The following MIER1 variants were observed in gnomAD, a reference collection of about 807,000 sequenced individuals.
The protein encoded by MIER1 is MIER1 transcriptional regulator.
Under a neutral mutation model 75.7 loss-of-function variants are expected in MIER1, and 40 were observed. The ratio of observed to expected loss-of-function variants is 0.53; its 90% confidence interval spans 0.41 to 0.69. MIER1 has a LOEUF of 0.69. Among genes scored for constraint, MIER1 ranks in the 30% least tolerant of loss-of-function variants. The probability of loss-of-function intolerance (pLI) is 0.00; values close to 1 mark genes in which losing one functional copy is unlikely to be tolerated. For missense variants in MIER1, 574 were observed against 680.2 expected, an observed-to-expected ratio of 0.84 and a Z score of 1.74; for synonymous variants, 213 against 223.4, an observed-to-expected ratio of 0.95 and a Z score of 0.42.
intron 5 of MIER1, 69 bp downstream of exon 5, chr1:66,958,289 T>G (rs1177818737): frequency 9.6e-7 from 1 of 1,042,226 alleles, no homozygotes; most frequent in Non-Finnish European, 1.3e-6. Context: ...GCTTAATATA[T>G]TTTGATTACT....
At chr1:66,979,367 T>A (rs1665440676) in intron 12 of MIER1, among the ~76,000 whole-genome samples, 1 of 152,192 alleles carries the variant, frequency 6.6e-6, no homozygotes, top group African/African-American at 2.4e-5. Context: ...AATCCATAAT[T>A]CAGAGCACAT....
chr1:66,940,151 T>G, intron 3 of MIER1, 99 bp downstream of exon 3: 2 of 841,652 alleles, frequency 2.4e-6, no homozygotes, highest in Non-Finnish European at 3.8e-6. Context: ...CTGACTTGCT[T>G]TTCTTCTGAA....
At chr1:66,982,416 T>C (rs989246407) in intron 13 of MIER1, among the ~76,000 whole-genome samples, 5 of 152,166 alleles carry the variant, frequency 3.3e-5, no homozygotes, top group African/African-American at 9.7e-5. Context: ...TACAGAAATA[T>C]TTGTTTTTCT....
chr1:66,985,939 T>G lies in MIER1; in HGVS notation c.*1039T>G. 1 of 984,726 alleles carries G rather than the reference T, an allele frequency of 1.0e-6. No homozygotes were observed. The highest frequency in any genetic ancestry group is 1.1e-4 in the East Asian group (1 of 8,898). The allele number at this position is 984,726 out of a possible 1,614,324, so 61.0% of individuals were successfully genotyped here. On this transcript the variant is annotated 3_prime_UTR_variant, in exon 14 of 14. Transcript: ENST00000401041. Reference sequence around the variant, plus strand: ...TTGCTATAATTTTCAAAATTATTTTTGAAGCAAGACAAAAGTTTAATGTCA... The same window carrying G: ...TTGCTATAATTTTCAAAATTATTTTGGAAGCAAGACAAAAGTTTAATGTCA...
chr1:66,964,854 C>G (rs113921725), intron 8 of MIER1, among the ~76,000 whole-genome samples: 1 of 152,110 alleles, frequency 6.6e-6, no homozygotes, highest in Non-Finnish European at 1.5e-5. Context: ...ACTTAATATA[C>G]ACAAAGGCCT....
At position 66,982,005 on chromosome 1, in the gene MIER1, T is replaced by G. The variant is rs571393442; in HGVS notation, c.1369+87T>G. 3.5e-6 allele frequency: 5 copies of G among 1,415,598 alleles called. No individual in the cohort carries two copies. The African/African-American group carries it at 5.7e-5, about 16-fold the overall frequency. The allele number at this position is 1,415,598 out of a possible 1,614,324, so 87.7% of individuals were successfully genotyped here. A position where few individuals can be genotyped will look rare whatever the true frequency, so the allele number is the denominator to read the frequency against. On this transcript the variant is annotated intron_variant, in intron 13 of 13. Coordinates refer to ENST00000401041, the MANE Select transcript of MIER1 (RefSeq NM_001077700.3). The stretch of plus-strand genomic sequence containing the variant: ...TGGGAAATTCCGTTTGGGTTTCTAT[T>G]AAACTTCCAGAGCAGAAAGTAAAAA...
At chr1:66,974,097 TTA>T (rs1664214733) in intron 11 of MIER1, among the ~76,000 whole-genome samples, 1 of 152,056 alleles carries the variant, frequency 6.6e-6, no homozygotes, top group African/African-American at 2.4e-5. Context: ...CTTATTTTTA[TTA>T]TTTTTTTTTT....
chr1:66,932,166 A>G (rs568548020), intron 2 of MIER1, among the ~76,000 whole-genome samples: 20 of 152,290 alleles, frequency 1.3e-4, no homozygotes, highest in African/African-American at 4.8e-4. Context: ...TTATTGTAAG[A>G]TAAAGGAAAA....
chr1:66,984,175 T>C (rs997221412), intron 13 of MIER1, among the ~76,000 whole-genome samples: 1 of 152,274 alleles, frequency 6.6e-6, no homozygotes, highest in African/African-American at 2.4e-5. Context: ...GAAAACCTTT[T>C]GTTAAATCTG....
intron 2 of MIER1, among the ~76,000 whole-genome samples, chr1:66,938,851 AGT>A (rs1158391925): frequency 2.0e-5 from 3 of 152,204 alleles, no homozygotes; most frequent in African/African-American, 7.2e-5. Flanking sequence ...CCTTTGAAAA[AGT>A]GTGCCACAAA....
chr1:66,973,185 T>C (rs2101909268), intron 11 of MIER1, among the ~76,000 whole-genome samples, 194 bp downstream of exon 11: 1 of 152,220 alleles, frequency 6.6e-6, no homozygotes, highest in Non-Finnish European at 1.5e-5. Context: ...GTGACTGTTT[T>C]CAGTGCATCA....
rs756353596 is a variant in MIER1, at chr1:66,958,880, G to A, written c.531G>A (p.Gln177=). Residue 177 remains glutamine, a synonymous_variant, in exon 6 of 14, where the codon CAG becomes CAA. Coordinates refer to ENST00000401041, the MANE Select transcript of MIER1 (RefSeq NM_001077700.3). Reference sequence around the variant, plus strand: ...AGAATATAAAGGATTCATCAGGTCAGGAGGATGAAACTCAGTCTTCCAATG... The same window carrying A: ...AGAATATAAAGGATTCATCAGGTCAAGAGGATGAAACTCAGTCTTCCAATG... ...KEENIKDSSG[Q]EDETQSSNDD... 2 of 1,611,048 alleles carry A rather than the reference G, an allele frequency of 1.2e-6. No individual in the cohort carries two copies. The highest frequency in any genetic ancestry group is 1.3e-5 in the African/African-American group (1 of 74,836).
rs1316591434 is a variant in MIER1 at position 66,926,250 on chromosome 1, G to T, written c.168+8G>T. 1.9e-6 allele frequency: 3 copies of T among 1,601,424 alleles called. No homozygotes were observed. The highest frequency in any genetic ancestry group is 2.6e-6 in the Non-Finnish European group (3 of 1,168,556). On this transcript the variant is annotated splice_region_variant and intron_variant, in intron 2 of 13. Coordinates refer to ENST00000401041, the MANE Select transcript of MIER1 (RefSeq NM_001077700.3). ...AAGACGGATGTGATGCTGGTAGGCAGGGGTACACTTGGAGATTAAGGGAGG... is the reference window on the plus strand; with the variant it reads ...AAGACGGATGTGATGCTGGTAGGCATGGGTACACTTGGAGATTAAGGGAGG...
chr1:66,977,428 GA>G (rs907540067), intron 12 of MIER1, among the ~76,000 whole-genome samples: 1 of 151,202 alleles, frequency 6.6e-6, no homozygotes, highest in African/African-American at 2.4e-5. Flanking sequence ...TTTTATAGAG[GA>G]AAAAAAACAT....
chr1:66,958,116 C>G lies in MIER1; in HGVS notation c.397C>G (p.Arg133Gly). The G allele has an allele frequency of 2.5e-6, 4 of 1,608,124 alleles. No individual in the cohort carries two copies. The highest frequency in any genetic ancestry group is 1.7e-4 in the Middle Eastern group (1 of 6,052). The change falls in exon 5 of 14, where the codon CGA (arginine) becomes GGA (glycine). Residue 133 changes from arginine to glycine, a missense_variant. Physicochemically the swap from Arg to Gly is moderately radical, Grantham distance 125 (BLOSUM62 -2). Around this residue, in one of 3 missense-constraint regions of MIER1, gnomAD observed 309 missense variants for 352.8 expected, o/e 0.88. Transcript: ENST00000401041. ...LSLYGYGSTVRLPEEDEEEEE... is the reference protein window; with the variant it reads ...LSLYGYGSTVGLPEEDEEEEE... ...CCTTTATGGTTATGGTAGTACTGTT[C>G]GACTACCTGAAGAAGATGAGGAAGA...
At chr1:66,957,103 A>AGT (rs1660294642) in intron 4 of MIER1, among the ~76,000 whole-genome samples, 1 of 152,076 alleles carries the variant, frequency 6.6e-6, no homozygotes, top group Non-Finnish European at 1.5e-5. Flanking sequence ...GGTGTGCATG[A>AGT]GTGTATAATA....
intron 8 of MIER1, among the ~76,000 whole-genome samples, chr1:66,969,389 C>CAA: frequency 6.6e-6 from 1 of 151,582 alleles, no homozygotes; most frequent in Admixed American, 6.6e-5. Context: ...CTAAAAAATA[C>CAA]AAAAACCTAG....
intron 13 of MIER1, among the ~76,000 whole-genome samples, chr1:66,983,124 ACT>A (rs1666225889): frequency 6.6e-6 from 1 of 152,232 alleles, no homozygotes. Context: ...CTCAAAAGCC[ACT>A]CAACATTACG....
intron 13 of MIER1, among the ~76,000 whole-genome samples, chr1:66,983,701 A>T (rs907485047): frequency 6.6e-6 from 1 of 152,202 alleles, no homozygotes; most frequent in African/African-American, 2.4e-5. Flanking sequence ...AGATTATTTA[A>T]GTCTACTTAG....
Sources: gnomAD v4.1 joint callset for allele counts (sites outside exome capture counted in the v4.1 genomes callset) on GRCh38, gnomAD v4.1.1 for gene constraint, gnomAD v4.1.1 regional missense constraint, MANE v1.5 for transcripts, NCBI Gene and HGNC (gene_info 2026-07-23, HGNC 2026-07-21) for gene names.